PTPRT: variants seen among roughly 807,000 people sequenced by gnomAD.
PTPRT encodes the protein protein tyrosine phosphatase receptor type T.
PTPRT carries 56 observed loss-of-function variants against 176.8 expected under a neutral mutation model. The observed-to-expected ratio is 0.32, with a 90% confidence interval of 0.26 to 0.40. The LOEUF (loss-of-function observed/expected upper bound fraction) is 0.40. Among genes scored for constraint, PTPRT ranks in the 10% least tolerant of loss-of-function variants. PTPRT has a pLI of 1.00. For missense variants in PTPRT, 1,540 were observed against 1,908.2 expected (o/e 0.81, Z 3.60); for synonymous variants, 783 against 739.0 (o/e 1.06, Z -0.96).
At chr20:42,345,313 A>T (rs1314330341) in intron 11 of PTPRT, among the ~76,000 whole-genome samples, 1 of 151,590 alleles carries the variant, frequency 6.6e-6, no homozygotes, top group Non-Finnish European at 1.5e-5. Flanking sequence ...TAACTGCAGA[A>T]AATTCTATTG....
At chr20:42,125,511 C>G (rs945545297) in intron 19 of PTPRT, among the ~76,000 whole-genome samples, 3 of 152,172 alleles carry the variant, frequency 2.0e-5, no homozygotes. Flanking sequence ...CCCTGTCTGC[C>G]TAACCTATTA....
At chr20:42,085,158 A>T (rs3092201) in intron 28 of PTPRT, among the ~76,000 whole-genome samples, 25,103 of 152,062 alleles carry the variant, frequency 0.17, 2,573 homozygotes, top group Middle Eastern at 0.28. Flanking sequence ...CCTGAGGCTC[A>T]TGTGCCAGAA....
intron 1 of PTPRT, among the ~76,000 whole-genome samples, chr20:42,935,425 C>CCACTT (rs1418784759): frequency 6.6e-6 from 1 of 152,032 alleles, no homozygotes. Flanking sequence ...CAGACATGAG[C>CCACTT]CACTGCACCT....
chr20:42,970,374 G>C (rs578182399), intron 1 of PTPRT, among the ~76,000 whole-genome samples: 1 of 152,166 alleles, frequency 6.6e-6, no homozygotes, highest in Non-Finnish European at 1.5e-5. Flanking sequence ...AAACAAAGAC[G>C]ACTATTAATT....
At chr20:42,858,932 T>C (rs1568640277) in intron 2 of PTPRT, among the ~76,000 whole-genome samples, 1 of 152,146 alleles carries the variant, frequency 6.6e-6, no homozygotes, top group East Asian at 1.9e-4. Context: ...CCCCAGCACC[T>C]AGCACAAGTG....
chr20:43,000,614 G>A (rs1331675612), intron 1 of PTPRT, among the ~76,000 whole-genome samples: 1 of 152,146 alleles, frequency 6.6e-6, no homozygotes. Flanking sequence ...AATGGAGCAA[G>A]TCAACAATGT....
intron 1 of PTPRT, among the ~76,000 whole-genome samples, chr20:42,979,990 T>TGGGGGGGGGGGG (rs34988665): frequency 1.8e-5 from 1 of 55,584 alleles, no homozygotes; most frequent in African/African-American, 6.9e-5. Flanking sequence ...GAAGGGGGGG[T>TGGGGGGGGGGGG]GGGGGGGGGT....
At chr20:42,826,230 G>T (rs2077990385) in intron 2 of PTPRT, among the ~76,000 whole-genome samples, 1 of 152,156 alleles carries the variant, frequency 6.6e-6, no homozygotes, top group Non-Finnish European at 1.5e-5. Flanking sequence ...CCCACAGCCA[G>T]GTTACACATA....
intron 15 of PTPRT, among the ~76,000 whole-genome samples, chr20:42,210,950 A>G (rs2055609476): frequency 2.6e-5 from 4 of 151,450 alleles, no homozygotes; most frequent in Admixed American, 2.6e-4. Context: ...AAACAGAGAT[A>G]TAGATCAATG....
chr20:42,099,327 C>T (rs1985628517), intron 26 of PTPRT, among the ~76,000 whole-genome samples: 1 of 152,020 alleles, frequency 6.6e-6, no homozygotes, highest in South Asian at 2.1e-4. Context: ...GGAATGATGT[C>T]ACACAGATTG....
At chr20:42,550,498 A>C (rs904064775) in intron 7 of PTPRT, among the ~76,000 whole-genome samples, 1 of 152,114 alleles carries the variant, frequency 6.6e-6, no homozygotes, top group South Asian at 2.1e-4. Context: ...TAGAATAGAT[A>C]TCCCACCTCA....
At chr20:43,130,937 T>C (rs1310637471) in intron 1 of PTPRT, among the ~76,000 whole-genome samples, 2 of 152,106 alleles carry the variant, frequency 1.3e-5, no homozygotes, top group Non-Finnish European at 2.9e-5. Flanking sequence ...CTTCAGCAAC[T>C]GGTGCAGAGA....
Position 43,172,685 on chromosome 20 carries a change from G to T in PTPRT, c.88+16961C>A, listed in dbSNP as rs187085692. 4.0e-3 allele frequency among the ~76,000 whole-genome samples: 606 copies of T among 152,250 alleles called. 4 individuals carry two copies. The highest frequency in any genetic ancestry group is 0.014 in the African/African-American group (569 of 41,542). On this transcript the variant is annotated intron_variant, in intron 1 of 30. Transcript: ENST00000373187. The stretch of plus-strand genomic sequence containing the variant: ...GAGCCTGGCTCCTTGCTAAGCATTT[G>T]ACATACCTCACCTCATTAATTTCTC...
intron 7 of PTPRT, among the ~76,000 whole-genome samples, chr20:42,593,502 C>T (rs995064559): frequency 6.6e-6 from 1 of 152,148 alleles, no homozygotes; most frequent in African/African-American, 2.4e-5. Context: ...TACTTATTGC[C>T]ATTTAGACTG....
chr20:42,257,024 C>T (rs1055606103), intron 13 of PTPRT, among the ~76,000 whole-genome samples: 7 of 152,188 alleles, frequency 4.6e-5, no homozygotes, highest in Non-Finnish European at 7.3e-5. Flanking sequence ...AGTAGGCATG[C>T]GGGTCCCATG....
intron 15 of PTPRT, among the ~76,000 whole-genome samples, chr20:42,223,395 C>T (rs184944057): frequency 6.6e-6 from 1 of 152,268 alleles, no homozygotes; most frequent in East Asian, 1.9e-4. Flanking sequence ...GCGGCAAAGT[C>T]CAGGATTCAA....
At chr20:42,804,747 C>T (rs572098056) in intron 2 of PTPRT, among the ~76,000 whole-genome samples, 53 of 152,258 alleles carry the variant, frequency 3.5e-4, no homozygotes, top group African/African-American at 1.0e-3. Context: ...GGTTTGCTGG[C>T]GATCTTTGGC....
intron 1 of PTPRT, among the ~76,000 whole-genome samples, chr20:43,089,515 T>C (rs1316236502): frequency 3.9e-5 from 6 of 152,264 alleles, no homozygotes; most frequent in Non-Finnish European, 8.8e-5. Context: ...CAAAACTCAC[T>C]GATATCCCAG....
At chr20:42,061,820 C>T in the PTPRT span, among the ~76,000 whole-genome samples, 2 of 152,360 alleles carry the variant, frequency 1.3e-5, no homozygotes, top group South Asian at 2.1e-4. Flanking sequence ...TATGCTTCCC[C>T]ACCTGGAATT....
Sources: allele counts gnomAD v4.1 joint callset (sites outside exome capture counted in the v4.1 genomes callset), GRCh38; gene constraint gnomAD v4.1.1; transcripts MANE v1.5; gene names NCBI Gene and HGNC (gene_info 2026-07-23, HGNC 2026-07-21).